Variants in DMD observed in about 807,000 individuals in gnomAD.
DMD encodes mutant dystrophin.
DMD carries 63 observed loss-of-function variants against 330.1 expected under a neutral mutation model. That is an observed-to-expected ratio of 0.19 (90% CI 0.16 to 0.24). DMD has a LOEUF of 0.24. DMD is among the 10% of genes least tolerant of loss of function. The pLI is 1.00. For synonymous variants in DMD, 1,223 were observed against 959.8 expected, an observed-to-expected ratio of 1.27 and a Z score of -5.07; for missense variants, 3,344 against 2,684.1, an observed-to-expected ratio of 1.25 and a Z score of -5.43.
chrX:31,421,758 G>A (rs2063372590), intron 60 of DMD, among the ~76,000 whole-genome samples: 1 of 107,852 alleles, frequency 9.3e-6, no homozygotes, highest in African/African-American at 3.4e-5. Flanking sequence ...AAATGAGAAC[G>A]TCTCAGCTAA....
chrX:32,454,443 A>G (rs1317014515), intron 26 of DMD, among the ~76,000 whole-genome samples: 1 of 110,877 alleles, frequency 9.0e-6, no homozygotes, highest in Non-Finnish European at 1.9e-5. Context: ...TGTGATTTTC[A>G]ATTTTCATAA....
intron 30 of DMD, among the ~76,000 whole-genome samples, chrX:32,398,116 T>C: frequency 9.1e-6 from 1 of 110,408 alleles, no homozygotes; most frequent in African/African-American, 3.3e-5. Flanking sequence ...TTTGGGATGA[T>C]ATGTACTTTC....
intron 60 of DMD, among the ~76,000 whole-genome samples, chrX:31,436,287 T>A (rs1218925521): frequency 2.7e-5 from 3 of 112,269 alleles, no homozygotes; most frequent in Non-Finnish European, 5.6e-5. Context: ...TACTTTATAA[T>A]GATTTGGGTT....
chrX:32,143,952 T>C (rs1237117318), intron 44 of DMD, among the ~76,000 whole-genome samples: 2 of 110,955 alleles, frequency 1.8e-5, no homozygotes, highest in African/African-American at 6.6e-5. Flanking sequence ...AATGTGATTA[T>C]GAGGCCCAAG....
chrX:32,660,473 T>C (rs1002551098), intron 9 of DMD, among the ~76,000 whole-genome samples: 1 of 111,629 alleles, frequency 9.0e-6, no homozygotes, highest in Non-Finnish European at 1.9e-5. Context: ...TTTTCACTTA[T>C]AATATTTTTA....
chrX:32,594,050 T>G (rs768352965), intron 13 of DMD, among the ~76,000 whole-genome samples: 5 of 112,717 alleles, frequency 4.4e-5, no homozygotes, highest in African/African-American at 1.6e-4. Context: ...CTGTCTTTGG[T>G]TTTCTTCAAA....
intron 43 of DMD, among the ~76,000 whole-genome samples, chrX:32,247,669 A>G (rs2097245917): frequency 9.0e-6 from 1 of 111,137 alleles, no homozygotes; most frequent in South Asian, 3.8e-4. Context: ...ATCCTTCCAG[A>G]CTGAGACCCC....
intron 4 of DMD, among the ~76,000 whole-genome samples, chrX:32,833,390 C>T (rs1174603689): frequency 2.7e-5 from 3 of 110,196 alleles, no homozygotes; most frequent in African/African-American, 9.8e-5. Context: ...TACAGGTAAT[C>T]TGGTTGAACG....
At chrX:31,715,719 T>G (rs930903834) in intron 52 of DMD, among the ~76,000 whole-genome samples, 40 of 111,102 alleles carry the variant, frequency 3.6e-4, no homozygotes, top group African/African-American at 1.2e-3. Context: ...TTAAAATCTG[T>G]TATATGTTTA....
chrX:32,410,952 G>A (rs955794902), intron 30 of DMD, among the ~76,000 whole-genome samples: 3 of 111,221 alleles, frequency 2.7e-5, no homozygotes, highest in African/African-American at 9.8e-5. Context: ...GGGAGTGAGT[G>A]CATGTAGCTA....
At chrX:33,057,295 G>A (rs1198651297) in intron 1 of DMD, among the ~76,000 whole-genome samples, 2 of 111,374 alleles carry the variant, frequency 1.8e-5, no homozygotes, top group Non-Finnish European at 3.8e-5. Flanking sequence ...CTTGATTAAA[G>A]CCACATCCAC....
At chrX:32,609,282 AT>A (rs1466224190) in intron 12 of DMD, among the ~76,000 whole-genome samples, 1 of 110,900 alleles carries the variant, frequency 9.0e-6, no homozygotes, top group African/African-American at 3.3e-5. Context: ...TCCTCAAAAA[AT>A]ATCTTCTTAA....
chrX:31,432,644 A>G (rs895123474), intron 60 of DMD, among the ~76,000 whole-genome samples: 1 of 111,657 alleles, frequency 9.0e-6, no homozygotes, highest in Admixed American at 9.5e-5. Context: ...GAATAAAGGG[A>G]AAAGGTATGT....
intron 52 of DMD, among the ~76,000 whole-genome samples, chrX:31,711,764 G>T (rs897140432): frequency 4.1e-4 from 46 of 111,006 alleles, no homozygotes; most frequent in African/African-American, 1.5e-3. Flanking sequence ...ACACAGTTTA[G>T]AATGGAAAAC....
intron 2 of DMD, among the ~76,000 whole-genome samples, chrX:32,944,278 A>G (rs989698727): frequency 8.9e-6 from 1 of 112,208 alleles, no homozygotes; most frequent in Non-Finnish European, 1.9e-5. Flanking sequence ...AAAATTATCT[A>G]TGTGTTTTCC....
At chrX:31,146,212 C>T (rs1002860967) in intron 76 of DMD, 79 bp downstream of exon 76, 92 of 1,109,719 alleles carry the variant, frequency 8.3e-5, no homozygotes, top group South Asian at 2.4e-4. Context: ...CAAACACTTA[C>T]GGCCAAATAT....
chrX:32,823,174 C>T, intron 5 of DMD, 121 bp downstream of exon 5: 2 of 557,705 alleles, frequency 3.6e-6, no homozygotes, highest in Non-Finnish European at 6.2e-6. Flanking sequence ...ATTTAAAAAG[C>T]AGCACTATGG....
chrX:31,142,752 G>A (rs1002533753), intron 76 of DMD, among the ~76,000 whole-genome samples: 1 of 112,282 alleles, frequency 8.9e-6, no homozygotes, highest in Non-Finnish European at 1.9e-5. Flanking sequence ...GCCCATGAGA[G>A]CCAATAGGGG....
intron 76 of DMD, 136 bp from the exon 77 acceptor site, chrX:31,134,330 AAT>A: frequency 2.0e-6 from 1 of 496,428 alleles, no homozygotes; most frequent in South Asian, 3.2e-5. Context: ...CCTCAAGCTT[AAT>A]AATGAGGAAG....
Sources: allele counts gnomAD v4.1 joint callset (sites outside exome capture counted in the v4.1 genomes callset), GRCh38; gene constraint gnomAD v4.1.1; transcripts MANE v1.5; gene names NCBI Gene and HGNC (gene_info 2026-07-23, HGNC 2026-07-21).